Variants in ETNPPL observed in about 807,000 individuals in gnomAD.
The protein encoded by ETNPPL is alanine--glyoxylate aminotransferase 2-like 1.
A neutral mutation model predicts 55.5 loss-of-function variants in ETNPPL; 30 were observed. The ratio of observed to expected loss-of-function variants is 0.54; its 90% CI spans 0.40 to 0.73. The LOEUF (loss-of-function observed/expected upper bound fraction) is 0.73. Ranked by LOEUF, ETNPPL falls within the 30% of genes least tolerant of loss-of-function variation. The pLI is 0.00. For missense variants in ETNPPL, 528 were observed against 607.9 expected (o/e 0.87, Z 1.38); for synonymous variants, 202 against 207.2 (o/e 0.98, Z 0.21).
intron 6 of ETNPPL, among the ~76,000 whole-genome samples, chr4:108,752,613 C>A (rs1728966053): frequency 6.6e-6 from 1 of 152,178 alleles, no homozygotes; most frequent in South Asian, 2.1e-4. Context: ...ATGACCCCTA[C>A]CCCTCTAGAC....
At chr4:108,749,585 T>TA (rs1333914615) in intron 7 of ETNPPL, 122 bp from the exon 8 acceptor site, 3 of 673,020 alleles carry the variant, frequency 4.5e-6, no homozygotes, top group African/African-American at 3.6e-5. Flanking sequence ...TAATTTTTCT[T>TA]AAAAAACATT....
intron 3 of ETNPPL, among the ~76,000 whole-genome samples, chr4:108,756,840 A>C (rs28520762): frequency 0.043 from 6,589 of 152,222 alleles, 437 homozygotes; most frequent in African/African-American, 0.15. Context: ...ACAACAACAA[A>C]AAAAAACATT....
At position 108,747,254 on chromosome 4, in the gene ETNPPL, TTA is replaced by T. The variant is rs1171584917; in HGVS notation, c.1083-405_1083-404del. On this transcript the variant is annotated intron_variant, in intron 9 of 12. Transcript: ENST00000296486. ...TATATATATATAATATATATATATA[TTA>T]TATATATATATGTCAGTATTTCATA... Among the ~76,000 whole-genome samples the T allele has an allele frequency of 6.8e-4, 39 of 56,958 alleles. 1 individual carries two copies. Among genetic ancestry groups the T allele is most frequent in the South Asian group, 1.9e-3 (3 of 1,620 alleles). The allele number at this position is 56,958 out of a possible 152,430, so 37.4% of individuals were successfully genotyped here.
rs1222540427 is a variant in ETNPPL at position 108,749,466 on chromosome 4, G to GA, written c.702-4dup. On this transcript the variant is annotated splice_region_variant and splice_polypyrimidine_tract_variant and intron_variant, in intron 7 of 12. Coordinates refer to ENST00000296486, the MANE Select transcript of ETNPPL (RefSeq NM_031279.4). ...CACCCCCTGCACCGTGTACATATCT[G>GA]AAAAGCAAAGCGGCAGTCTAATGCC... 2.5e-6 allele frequency: 4 copies of GA among 1,611,240 alleles called. No individual in the cohort carries two copies. The highest frequency in any genetic ancestry group is 3.4e-6 in the Non-Finnish European group (4 of 1,177,880).
chr4:108,759,703 C>T (rs912354250), intron 3 of ETNPPL, 46 bp downstream of exon 3: 1 of 1,589,456 alleles, frequency 6.3e-7, no homozygotes, highest in African/African-American at 1.3e-5. Context: ...CAAGAGTAGA[C>T]AAAGTTTAGT....
intron 5 of ETNPPL, 53 bp from the exon 6 acceptor site, chr4:108,753,064 T>TAA: frequency 2.1e-6 from 2 of 933,032 alleles, no homozygotes; most frequent in Non-Finnish European, 1.7e-6. Context: ...CGACAAACCT[T>TAA]AAAAAAAAGG....
intron 1 of ETNPPL, chr4:108,762,483 G>A: frequency 1.5e-6 from 1 of 656,330 alleles, no homozygotes; most frequent in South Asian, 1.5e-5. Flanking sequence ...TTGTGTGGGG[G>A]TGGCGGAGCG....
intron 6 of ETNPPL, among the ~76,000 whole-genome samples, chr4:108,751,382 G>A (rs1011016852): frequency 6.6e-6 from 1 of 152,170 alleles, no homozygotes; most frequent in African/African-American, 2.4e-5. Context: ...TAGGTCCAAA[G>A]GCATTGTCGT....
At chr4:108,753,248 C>T (rs575924672) in intron 5 of ETNPPL, among the ~76,000 whole-genome samples, 2 of 152,194 alleles carry the variant, frequency 1.3e-5, no homozygotes, top group South Asian at 4.1e-4. Flanking sequence ...GACTATATCC[C>T]TCCTCACATA....
chr4:108,759,987 C>A, intron 2 of ETNPPL, 79 bp from the exon 3 acceptor site: 1 of 1,405,824 alleles, frequency 7.1e-7, no homozygotes. Flanking sequence ...ATGAAGCAAG[C>A]AAGCAAGCAA....
intron 12 of ETNPPL, among the ~76,000 whole-genome samples, chr4:108,743,175 C>T (rs900770608): frequency 6.6e-6 from 1 of 152,172 alleles, no homozygotes; most frequent in South Asian, 2.1e-4. Flanking sequence ...AAACAAATAA[C>T]AAATTATGCA....
At chr4:108,757,766 C>G (rs1729286607) in intron 3 of ETNPPL, among the ~76,000 whole-genome samples, 1 of 151,782 alleles carries the variant, frequency 6.6e-6, no homozygotes, top group African/African-American at 2.4e-5. Flanking sequence ...TGGTGAAACC[C>G]CATCTCCACA....
chr4:108,746,286 C>A, intron 11 of ETNPPL, 113 bp downstream of exon 11: 1 of 933,346 alleles, frequency 1.1e-6, no homozygotes. Flanking sequence ...TCTGCCCTGC[C>A]TCACTTCCAT....
intron 6 of ETNPPL, among the ~76,000 whole-genome samples, chr4:108,751,785 A>G (rs1272617145): frequency 6.6e-6 from 1 of 152,230 alleles, no homozygotes; most frequent in Non-Finnish European, 1.5e-5. Flanking sequence ...GTACAATTCC[A>G]TGACTTTGCA....
intron 9 of ETNPPL, among the ~76,000 whole-genome samples, chr4:108,747,164 T>TGTCAG (rs1491564950): frequency 3.9e-4 from 6 of 15,290 alleles, no homozygotes; most frequent in African/African-American, 2.6e-3. Context: ...TATATATATA[T>TGTCAG]TATATATATA....
intron 3 of ETNPPL, among the ~76,000 whole-genome samples, chr4:108,757,165 A>G (rs528490848): frequency 6.6e-6 from 1 of 152,344 alleles, no homozygotes; most frequent in African/African-American, 2.4e-5. Flanking sequence ...ACCCTATGTC[A>G]TATTTACCCA....
At chr4:108,749,779 C>A (rs528541745) in intron 7 of ETNPPL, among the ~76,000 whole-genome samples, 1 of 152,042 alleles carries the variant, frequency 6.6e-6, no homozygotes, top group Non-Finnish European at 1.5e-5. Context: ...TATGATCAAA[C>A]TCCCTGTAAC....
At chr4:108,759,057 T>A (rs901071534) in intron 3 of ETNPPL, among the ~76,000 whole-genome samples, 1 of 151,942 alleles carries the variant, frequency 6.6e-6, no homozygotes, top group African/African-American at 2.4e-5. Flanking sequence ...CTCAAAAAAA[T>A]AAATAAATAA....
In ETNPPL at chr4:108,748,093, G is replaced by A; in HGVS notation, c.994C>T (p.Leu332Phe). ...AVLDIIENED[L>F]QGNAKRVGNY... ...CCTACTCTCTTGGCATTTCCTTGAA[G>A]GTCTTCATTTTCAATTATATCCAGG... Residue 332 changes from leucine (L) to phenylalanine (F), a missense_variant, in exon 9 of 13, where the codon CTT becomes TTT. Leu to Phe is a conservative substitution (Grantham distance 22). Coordinates refer to ENST00000296486, the MANE Select transcript of ETNPPL (RefSeq NM_031279.4). 1 of 1,610,798 alleles carries A rather than the reference G, an allele frequency of 6.2e-7. No individual in the cohort carries two copies. The highest frequency in any genetic ancestry group is 1.1e-5 in the South Asian group (1 of 90,754).
Sources: gnomAD v4.1 joint callset for allele counts (sites outside exome capture counted in the v4.1 genomes callset) on GRCh38, gnomAD v4.1.1 for gene constraint, MANE v1.5 for transcripts, NCBI Gene and HGNC (gene_info 2026-07-23, HGNC 2026-07-21) for gene names.